Variants in PCDHA13 observed in about 807,000 individuals in gnomAD.
The protein encoded by PCDHA13 is protocadherin alpha 13.
PCDHA13 carries 54 observed loss-of-function variants against 64.8 expected under a neutral mutation model. The ratio of observed to expected loss-of-function variants is 0.83; its 90% CI spans 0.67 to 1.04. PCDHA13 has a LOEUF of 1.04. Among genes scored for constraint, PCDHA13 ranks in the 50% least tolerant of loss-of-function variants. The probability of loss-of-function intolerance (pLI) is 0.00; values close to 1 mark genes in which losing one functional copy is unlikely to be tolerated. For synonymous variants in PCDHA13, 587 were observed against 564.4 expected (o/e 1.04, Z -0.57); for missense variants, 1,248 against 1,254.3 (o/e 0.99, Z 0.08).
intron 1 of PCDHA13, chr5:140,927,790 G>C: frequency 6.2e-7 from 1 of 1,614,218 alleles, no homozygotes; most frequent in Non-Finnish European, 8.5e-7. Flanking sequence ...TGCTTCACTA[G>C]GTCCGCCTGA....
At chr5:140,943,718 C>G (rs2093552773) in intron 1 of PCDHA13, among the ~76,000 whole-genome samples, 1 of 152,020 alleles carries the variant, frequency 6.6e-6, no homozygotes, top group South Asian at 2.1e-4. Flanking sequence ...ATTTAAAGGT[C>G]TGAGAGAATG....
chr5:140,906,611 C>T (rs2072787341), intron 1 of PCDHA13, among the ~76,000 whole-genome samples: 1 of 152,196 alleles, frequency 6.6e-6, no homozygotes, highest in Non-Finnish European at 1.5e-5. Flanking sequence ...ATTCTGTATT[C>T]CCTTTGCCTT....
intron 1 of PCDHA13, chr5:140,967,572 A>T (rs782502082): frequency 4.3e-6 from 7 of 1,613,544 alleles, no homozygotes; most frequent in Middle Eastern, 3.3e-4. Flanking sequence ...CTACGGGAGG[A>T]CTCACCCCCA....
At chr5:140,963,244 T>G (rs934081934) in intron 1 of PCDHA13, among the ~76,000 whole-genome samples, 6 of 152,104 alleles carry the variant, frequency 3.9e-5, no homozygotes, top group Admixed American at 3.3e-4. Flanking sequence ...ATGGATTAGG[T>G]AGGTTTTCAT....
chr5:140,990,304 A>C (rs114506238), intron 3 of PCDHA13, among the ~76,000 whole-genome samples: 1 of 152,168 alleles, frequency 6.6e-6, no homozygotes, highest in African/African-American at 2.4e-5. Context: ...CATTGTCTGT[A>C]AAAAACCAAC....
chr5:140,890,775 CATAAG>C (rs1358140207), intron 1 of PCDHA13, among the ~76,000 whole-genome samples: 5 of 152,040 alleles, frequency 3.3e-5, no homozygotes, highest in Admixed American at 6.6e-5. Context: ...TTTAAAACCC[CATAAG>C]ATATTAGTAT....
At chr5:140,963,608 G>A (rs1308315109) in intron 1 of PCDHA13, among the ~76,000 whole-genome samples, 2 of 152,186 alleles carry the variant, frequency 1.3e-5, no homozygotes, top group African/African-American at 2.4e-5. Context: ...ACGTAATTGG[G>A]AAAGCTTAAC....
intron 1 of PCDHA13, among the ~76,000 whole-genome samples, chr5:140,957,549 C>T (rs563057107): frequency 6.6e-6 from 1 of 152,038 alleles, no homozygotes; most frequent in South Asian, 2.1e-4. Flanking sequence ...AAAGTATTCT[C>T]TGTGGAAAAG....
chr5:140,942,926 GAA>G (rs1554215307), intron 1 of PCDHA13, among the ~76,000 whole-genome samples: 2 of 151,984 alleles, frequency 1.3e-5, no homozygotes, highest in East Asian at 3.9e-4. Flanking sequence ...AAAAAAAATT[GAA>G]AAAGAGTTTA....
chr5:140,928,814 A>G, intron 1 of PCDHA13: 1 of 1,614,150 alleles, frequency 6.2e-7, no homozygotes, highest in East Asian at 2.2e-5. Context: ...GTTCGGGACC[A>G]TGGAGACCCA....
chr5:140,918,107 C>T (rs2078522550), intron 1 of PCDHA13, among the ~76,000 whole-genome samples: 1 of 152,132 alleles, frequency 6.6e-6, no homozygotes. Flanking sequence ...AGATCTTTCA[C>T]ATCCTTGATT....
chr5:141,010,377 G>A lies in PCDHA13; in HGVS notation c.*440G>A. 1 of 1,444,554 alleles carries A rather than the reference G, an allele frequency of 6.9e-7. No individual in the cohort carries two copies. The highest frequency in any genetic ancestry group is 1.4e-5 in the South Asian group (1 of 71,996). The allele number at this position is 1,444,554 out of a possible 1,614,324, so 89.5% of individuals were successfully genotyped here. ...GGCTACCGCGGGTATGCGAGTGCCA[G>A]ATATTGGCTGAGACGAGCCAGCTTA... On this transcript the variant is annotated 3_prime_UTR_variant, in exon 4 of 4. Transcript: ENST00000289272.
chr5:140,929,046 C>T, intron 1 of PCDHA13: 3 of 1,614,206 alleles, frequency 1.9e-6, no homozygotes, highest in Non-Finnish European at 2.5e-6. Context: ...CTCAGAGCTG[C>T]TGTCGCTCTA....
At chr5:140,905,802 C>T (rs1043410620) in intron 1 of PCDHA13, among the ~76,000 whole-genome samples, 11 of 152,152 alleles carry the variant, frequency 7.2e-5, no homozygotes, top group African/African-American at 2.7e-4. Flanking sequence ...TCTAGAGGGA[C>T]AGAATTAATA....
At position 140,927,603 on chromosome 5, in the gene PCDHA13, A is replaced by G. The variant is rs538616533; in HGVS notation, c.2394+42941A>G. On this transcript the variant is annotated intron_variant, in intron 1 of 3. Coordinates refer to ENST00000289272, the MANE Select transcript of PCDHA13 (RefSeq NM_018904.3). ...ACGCGCCTGTATTTGAGCGCTCCGT[A>G]TACCGCACCAAGGTTCCAGAGACTG... 8.1e-6 allele frequency: 13 copies of G among 1,614,190 alleles called. No homozygotes were observed. In the Admixed American group the frequency reaches 1.2e-4, roughly 14 times the overall value.
At chr5:140,925,084 A>AGGAAGGAAGGAAGGAAGGAAGGAG (rs1554202501) in intron 1 of PCDHA13, among the ~76,000 whole-genome samples, 2 of 144,612 alleles carry the variant, frequency 1.4e-5, no homozygotes, top group African/African-American at 5.6e-5. Context: ...TCATCTGGAA[A>AGGAAGGAAGGAAGGAAGGAAGGAG]GGAAGGAAGG....
At chr5:140,947,252 T>A (rs1554218120) in intron 1 of PCDHA13, among the ~76,000 whole-genome samples, 1 of 151,596 alleles carries the variant, frequency 6.6e-6, no homozygotes, top group Non-Finnish European at 1.5e-5. Flanking sequence ...GATAATCCAA[T>A]GTACCATTTG....
At chr5:141,001,473 G>A (rs1172395730) in intron 3 of PCDHA13, among the ~76,000 whole-genome samples, 1 of 152,220 alleles carries the variant, frequency 6.6e-6, no homozygotes, top group African/African-American at 2.4e-5. Flanking sequence ...AAGCAGCAGC[G>A]GGGAAGTGCT....
intron 1 of PCDHA13, among the ~76,000 whole-genome samples, chr5:140,923,034 C>T (rs1252133915): frequency 6.6e-6 from 1 of 152,174 alleles, no homozygotes; most frequent in Non-Finnish European, 1.5e-5. Context: ...TCTATTACTA[C>T]ATGTATAGTA....
Sources: gnomAD v4.1 joint callset for allele counts (sites outside exome capture counted in the v4.1 genomes callset) on GRCh38, gnomAD v4.1.1 for gene constraint, MANE v1.5 for transcripts, NCBI Gene and HGNC (gene_info 2026-07-23, HGNC 2026-07-21) for gene names.